Variants in TCF4 observed in about 807,000 individuals in gnomAD.
TCF4 encodes SL3-3 enhancer factor 2.
TCF4 carries 3 observed loss-of-function variants against 82.1 expected under a neutral mutation model. That is an observed-to-expected ratio of 0.04 (90% CI 0.02 to 0.09). The LOEUF is 0.09. TCF4 is among the 10% of genes least tolerant of loss of function. The pLI is 1.00. For missense variants in TCF4, 518 were observed against 852.7 expected (o/e 0.61, Z 4.89); for synonymous variants, 276 against 309.6 (o/e 0.89, Z 1.14).
At chr18:55,605,649 G>A (rs990097525) in intron 2 of TCF4, among the ~76,000 whole-genome samples, 4 of 152,206 alleles carry the variant, frequency 2.6e-5, no homozygotes, top group African/African-American at 9.7e-5. Flanking sequence ...ACTCCAAGTT[G>A]ATGAAGGAAA....
intron 5 of TCF4, among the ~76,000 whole-genome samples, chr18:55,426,039 C>CAG (rs1196357968): frequency 6.6e-6 from 1 of 151,614 alleles, no homozygotes; most frequent in East Asian, 1.9e-4. Context: ...CATTTTACAG[C>CAG]AGACTTGTTT....
chr18:55,321,639 A>C (rs1188542844), intron 8 of TCF4: 2 of 1,536,134 alleles, frequency 1.3e-6, no homozygotes. Context: ...AAACTTGTCA[A>C]AAATCCCCCT....
chr18:55,412,198 A>G (rs554681895), intron 5 of TCF4, among the ~76,000 whole-genome samples: 1 of 152,296 alleles, frequency 6.6e-6, no homozygotes, highest in South Asian at 2.1e-4. Context: ...GATTACTACT[A>G]GCACTCACCT....
intron 2 of TCF4, among the ~76,000 whole-genome samples, chr18:55,598,335 A>T (rs1170667018): frequency 6.6e-6 from 1 of 152,224 alleles, no homozygotes; most frequent in East Asian, 1.9e-4. Context: ...CAAAAGACTA[A>T]ACTGTTAAAA....
intron 15 of TCF4, among the ~76,000 whole-genome samples, chr18:55,252,543 T>G (rs920204799): frequency 2.6e-5 from 4 of 152,088 alleles, no homozygotes; most frequent in Non-Finnish European, 5.9e-5. Flanking sequence ...CACCTCTGAA[T>G]CTGACTCAAA....
intron 6 of TCF4, among the ~76,000 whole-genome samples, chr18:55,363,312 G>T (rs2085974550): frequency 6.6e-6 from 1 of 151,988 alleles, no homozygotes; most frequent in Non-Finnish European, 1.5e-5. Context: ...GGTAACTAAA[G>T]TTTGTTTAGC....
upstream of TCF4, among the ~76,000 whole-genome samples, chr18:55,591,802 C>A (rs2097685759): frequency 6.6e-6 from 1 of 152,184 alleles, no homozygotes; most frequent in South Asian, 2.1e-4. Context: ...CAGGTGTGAG[C>A]CACTGCACCC....
At chr18:55,430,093 A>T (rs1416109531) in intron 5 of TCF4, among the ~76,000 whole-genome samples, 1 of 152,186 alleles carries the variant, frequency 6.6e-6, no homozygotes, top group South Asian at 2.1e-4. Context: ...TAGAACATTC[A>T]TCTCTCTGTA....
At chr18:55,614,936 G>A (rs928428678) in intron 2 of TCF4, among the ~76,000 whole-genome samples, 1 of 152,080 alleles carries the variant, frequency 6.6e-6, no homozygotes, top group African/African-American at 2.4e-5. Context: ...TCCAAAGTAT[G>A]AATCAAAGTT....
chr18:55,251,930 G>GTTT lies in TCF4; in HGVS notation c.1350+2564_1350+2566dup, dbSNP rs199695068. Among the ~76,000 whole-genome samples the GTTT allele has an allele frequency of 2.8e-3, 285 of 101,238 alleles. 6 individuals carry two copies. The highest frequency in any genetic ancestry group is 0.025 in the East Asian group (85 of 3,436). 66.4% of individuals were successfully genotyped at this position (101,238 alleles called of 152,430 possible). A position where few individuals can be genotyped will look rare whatever the true frequency, so the allele number is the denominator to read the frequency against. On this transcript the variant is annotated intron_variant, in intron 15 of 19. Coordinates refer to ENST00000354452, the MANE Select transcript of TCF4 (RefSeq NM_001083962.2). ...TGTTGTTGTGGGGAAGGGGGATGAG[G>GTTT]TTTTTTTTTTTTTTTTTTTGCCTTC...
At chr18:55,570,173 G>A (rs1021208298) in intron 3 of TCF4, among the ~76,000 whole-genome samples, 2 of 152,166 alleles carry the variant, frequency 1.3e-5, no homozygotes, top group Admixed American at 6.5e-5. Flanking sequence ...TTTTCAGTAC[G>A]TGTGAATGGA....
intron 3 of TCF4, among the ~76,000 whole-genome samples, chr18:55,466,359 G>C (rs1172446868): frequency 1.3e-5 from 2 of 152,090 alleles, no homozygotes; most frequent in Non-Finnish European, 2.9e-5. Context: ...AGCCAAGTGT[G>C]GTGGAACTTG....
In TCF4 at chr18:55,311,894, G is replaced by A. The variant is rs570378728; in HGVS notation, c.550-32238C>T. On this transcript the variant is annotated intron_variant, in intron 8 of 19. Transcript: ENST00000354452. ...AATTGGCATTATCTATTACTGTCTA[G>A]TTATGAAATCTATCCATCTATCTAC... 5.3e-5 allele frequency among the ~76,000 whole-genome samples: 8 copies of A among 152,252 alleles called. No homozygotes were observed. The East Asian group carries it at 1.5e-3, about 29-fold the overall frequency.
At chr18:55,573,408 T>G (rs2097495663) in intron 3 of TCF4, among the ~76,000 whole-genome samples, 1 of 152,038 alleles carries the variant, frequency 6.6e-6, no homozygotes, top group Non-Finnish European at 1.5e-5. Context: ...CCACCCACAC[T>G]GTAGAACCAG....
At chr18:55,559,041 TA>T (rs33984019) in intron 3 of TCF4, among the ~76,000 whole-genome samples, 13,473 of 111,170 alleles carry the variant, frequency 0.12, 990 homozygotes, top group African/African-American at 0.27. Context: ...ATCTCCCCCC[TA>T]AAAAAAAAAA....
chr18:55,433,278 G>C (rs1569469528), intron 5 of TCF4, among the ~76,000 whole-genome samples: 2 of 152,056 alleles, frequency 1.3e-5, no homozygotes, highest in Admixed American at 6.6e-5. Context: ...CTTCCTTATG[G>C]GTAAAATGCA....
chr18:55,482,356 C>T (rs565171872), intron 3 of TCF4: 1 of 152,258 alleles, frequency 6.6e-6, no homozygotes, highest in East Asian at 1.9e-4. Flanking sequence ...TTGCTTAGGC[C>T]TGGATGACCC....
chr18:55,454,580 G>T (rs1318646036), intron 5 of TCF4, among the ~76,000 whole-genome samples: 1 of 152,036 alleles, frequency 6.6e-6, no homozygotes, highest in Admixed American at 6.6e-5. Context: ...TATAGATCTG[G>T]AATCAGCTGA....
intron 3 of TCF4, among the ~76,000 whole-genome samples, chr18:55,556,566 G>A (rs1024639371): frequency 1.3e-5 from 2 of 152,082 alleles, no homozygotes; most frequent in Non-Finnish European, 2.9e-5. Context: ...TGTCACCCAG[G>A]CTGGTCTCAA....
Sources: gnomAD v4.1 joint callset for allele counts (sites outside exome capture counted in the v4.1 genomes callset) on GRCh38, gnomAD v4.1.1 for gene constraint, MANE v1.5 for transcripts, NCBI Gene and HGNC (gene_info 2026-07-23, HGNC 2026-07-21) for gene names.